C1QTNF3: variants seen among roughly 807,000 people sequenced by gnomAD.
C1QTNF3 encodes complement C1q tumor necrosis factor-related protein 3.
Under a neutral mutation model 32.6 loss-of-function variants are expected in C1QTNF3, and 26 were observed. That is an observed-to-expected ratio of 0.80 (90% CI 0.58 to 1.11). The LOEUF is 1.11. Among genes scored for constraint, C1QTNF3 ranks in the 50% least tolerant of loss-of-function variants. The probability of loss-of-function intolerance (pLI) is 0.00; values close to 1 mark genes in which losing one functional copy is unlikely to be tolerated. For synonymous variants in C1QTNF3, 155 were observed against 146.0 expected (o/e 1.06, Z -0.44); for missense variants, 362 against 398.2 (o/e 0.91, Z 0.77).
chr5:34,054,406 C>T, the C1QTNF3 span, among the ~76,000 whole-genome samples: 1 of 152,136 alleles, frequency 6.6e-6, no homozygotes, highest in Non-Finnish European at 1.5e-5. Context: ...CTGTAAAGGG[C>T]TGTGTAATAA....
the C1QTNF3 span, among the ~76,000 whole-genome samples, chr5:34,178,232 G>C: frequency 2.0e-5 from 3 of 151,800 alleles, no homozygotes; most frequent in Non-Finnish European, 4.4e-5. Flanking sequence ...AGTGAGTCAA[G>C]ATTGCACCAC....
At chr5:34,183,462 C>T in the C1QTNF3 span, among the ~76,000 whole-genome samples, 2 of 145,192 alleles carry the variant, frequency 1.4e-5, no homozygotes, top group African/African-American at 5.0e-5. Flanking sequence ...TTCCGAGTAC[C>T]TGGGAATACA....
At chr5:34,021,834 T>C (rs1754335741) in intron 5 of C1QTNF3, among the ~76,000 whole-genome samples, 1 of 152,126 alleles carries the variant, frequency 6.6e-6, no homozygotes, top group Non-Finnish European at 1.5e-5. Context: ...GAAACCTAGA[T>C]GATGAGTTGA....
the C1QTNF3 span, among the ~76,000 whole-genome samples, chr5:34,056,479 TAGAGAGAGAGAGAG>T: frequency 4.1e-3 from 214 of 51,708 alleles, 1 homozygote; most frequent in Middle Eastern, 0.047. Flanking sequence ...TATATATATA[TAGAGAGAGAGAGAG>T]AGAGAGAGAG....
chr5:34,159,538 C>T, the C1QTNF3 span, among the ~76,000 whole-genome samples: 1 of 151,984 alleles, frequency 6.6e-6, no homozygotes, highest in African/African-American at 2.4e-5. Context: ...AAGAAAGATG[C>T]ACAGGTTCCA....
At chr5:34,133,870 G>T in the C1QTNF3 span, among the ~76,000 whole-genome samples, 2 of 152,130 alleles carry the variant, frequency 1.3e-5, no homozygotes, top group African/African-American at 2.4e-5. Context: ...TTGGCTGTTC[G>T]TTTCACGAAA....
chr5:34,116,651 G>A, the C1QTNF3 span, among the ~76,000 whole-genome samples: 3 of 151,156 alleles, frequency 2.0e-5, no homozygotes, highest in Non-Finnish European at 4.4e-5. Flanking sequence ...CTGGAGTGCA[G>A]AGATGCTATC....
upstream of C1QTNF3, among the ~76,000 whole-genome samples, chr5:34,045,721 A>G (rs1382762191): frequency 6.6e-6 from 1 of 152,030 alleles, no homozygotes; most frequent in Non-Finnish European, 1.5e-5. Flanking sequence ...GATTCTGCAA[A>G]GAAGGATCTC....
the C1QTNF3 span, among the ~76,000 whole-genome samples, chr5:34,229,692 T>C: frequency 5.9e-5 from 9 of 152,268 alleles, no homozygotes; most frequent in East Asian, 9.6e-4. Flanking sequence ...ATTTGTAGCT[T>C]TGAAGGTGAA....
chr5:34,212,319 A>T, the C1QTNF3 span, among the ~76,000 whole-genome samples: 27 of 152,186 alleles, frequency 1.8e-4, no homozygotes, highest in Non-Finnish European at 3.8e-4. Context: ...AAACCTAGGC[A>T]TTACCATTCA....
chr5:34,224,746 G>A, the C1QTNF3 span, among the ~76,000 whole-genome samples: 1 of 152,018 alleles, frequency 6.6e-6, no homozygotes, highest in Non-Finnish European at 1.5e-5. Context: ...GCATGGGCAA[G>A]GACTTCATGT....
chr5:34,177,503 T>TC, the C1QTNF3 span, among the ~76,000 whole-genome samples: 1 of 148,820 alleles, frequency 6.7e-6, no homozygotes, highest in South Asian at 2.2e-4. Context: ...TTTTTTTTTT[T>TC]TGAGACGGAG....
chr5:34,211,650 T>C, the C1QTNF3 span, among the ~76,000 whole-genome samples: 2 of 151,194 alleles, frequency 1.3e-5, no homozygotes, highest in Non-Finnish European at 2.9e-5. Context: ...TGTTTGGTTT[T>C]TTGTCCTTGT....
chr5:34,197,369 A>G, the C1QTNF3 span, among the ~76,000 whole-genome samples: 1 of 150,954 alleles, frequency 6.6e-6, no homozygotes, highest in African/African-American at 2.4e-5. Context: ...GGTAATATTA[A>G]CAGTATGCTG....
the C1QTNF3 span, among the ~76,000 whole-genome samples, chr5:34,118,982 A>G: frequency 1.1e-3 from 162 of 152,298 alleles, no homozygotes; most frequent in Middle Eastern, 0.01. Flanking sequence ...ACCAACACAT[A>G]TTTGTATGCA....
At chr5:34,024,088 A>C (rs1297752956) in intron 4 of C1QTNF3, 80 bp from the exon 5 acceptor site, 1 of 1,021,194 alleles carries the variant, frequency 9.8e-7, no homozygotes, top group Non-Finnish European at 1.5e-6. Context: ...AGATTTGCCA[A>C]CTGCCTTCAC....
the C1QTNF3 span, among the ~76,000 whole-genome samples, chr5:34,150,162 CTAAA>C: frequency 2.3e-5 from 1 of 44,186 alleles, no homozygotes; most frequent in Non-Finnish European, 3.9e-5. Flanking sequence ...GCTAACTATC[CTAAA>C]TATTTATGCA....
the C1QTNF3 span, among the ~76,000 whole-genome samples, chr5:34,065,879 C>T: frequency 1.3e-5 from 2 of 152,134 alleles, no homozygotes; most frequent in Non-Finnish European, 2.9e-5. Flanking sequence ...CATGTGGACT[C>T]ATATGTTCAT....
chr5:34,057,786 G>A, the C1QTNF3 span, among the ~76,000 whole-genome samples: 1 of 152,202 alleles, frequency 6.6e-6, no homozygotes, highest in African/African-American at 2.4e-5. Context: ...TTTATTAAGT[G>A]GTAATGAGGC....
Sources: allele counts gnomAD v4.1 joint callset (sites outside exome capture counted in the v4.1 genomes callset), GRCh38; gene constraint gnomAD v4.1.1; transcripts MANE v1.5; gene names NCBI Gene and HGNC (gene_info 2026-07-23, HGNC 2026-07-21).